Variants in PTPRR observed in about 807,000 individuals in gnomAD.
PTPRR encodes protein tyrosine phosphatase receptor type R, also known as receptor-type tyrosine-protein phosphatase R.
In PTPRR, 38 loss-of-function variants were observed where a neutral mutation model predicts 77.2. The observed-to-expected ratio is 0.49, with a 90% CI of 0.38 to 0.65. The LOEUF (loss-of-function observed/expected upper bound fraction) is 0.65, where lower values mean the gene tolerates loss of function less well. PTPRR is among the 30% of genes least tolerant of loss of function. PTPRR has a pLI of 0.00. For synonymous variants in PTPRR, 299 were observed against 283.1 expected (o/e 1.06, Z -0.57); for missense variants, 744 against 799.2 (o/e 0.93, Z 0.83).
chr12:70,661,332 T>C (rs1886792802), intron 11 of PTPRR: 1 of 549,062 alleles, frequency 1.8e-6, no homozygotes, highest in South Asian at 1.8e-5. Context: ...CATCTCTACC[T>C]ATAGTTATAA....
In PTPRR at chr12:70,892,917, G is replaced by A. The variant is rs145367377; in HGVS notation, c.119C>T (p.Pro40Leu). The change falls in exon 2 of 14, where the codon CCG becomes CTG. Residue 40 changes from proline (P) to leucine (L), a missense_variant. Physicochemically the swap from Pro to Leu is moderately conservative, Grantham distance 98 (BLOSUM62 -3). Around this residue, in one of 3 missense-constraint regions of PTPRR, gnomAD observed 570 missense variants for 573.2 expected, o/e 0.99. Transcript: ENST00000283228. ...LAINQKKSGK[P>L]VFIYKHSQDI... ...TTGTGAATGCTTATAAATGAATACC[G>A]GCTTCCCACTCTTCTTCTGATTAAT... The A allele has an allele frequency of 1.6e-4, 259 of 1,613,272 alleles. 2 individuals carry two copies. The African/African-American group carries it at 2.9e-3, about 18-fold the overall frequency.
intron 10 of PTPRR, among the ~76,000 whole-genome samples, chr12:70,675,498 C>A (rs1290052623): frequency 6.6e-6 from 1 of 151,948 alleles, no homozygotes; most frequent in Non-Finnish European, 1.5e-5. Flanking sequence ...ACCTAAAAGT[C>A]TAACCTTGGC....
At chr12:70,735,015 G>T (rs1889813332) in intron 6 of PTPRR, among the ~76,000 whole-genome samples, 1 of 151,838 alleles carries the variant, frequency 6.6e-6, no homozygotes, top group Non-Finnish European at 1.5e-5. Flanking sequence ...TCATTCCTGT[G>T]GGGTCTTTTA....
intron 2 of PTPRR, among the ~76,000 whole-genome samples, chr12:70,765,205 G>C (rs1013945184): frequency 6.6e-6 from 1 of 152,198 alleles, no homozygotes; most frequent in Non-Finnish European, 1.5e-5. Context: ...AGCAGGGTGA[G>C]GCATTGCCTC....
At chr12:70,809,227 G>A (rs770009794) in intron 2 of PTPRR, among the ~76,000 whole-genome samples, 2 of 152,126 alleles carry the variant, frequency 1.3e-5, no homozygotes, top group African/African-American at 2.4e-5. Context: ...CTTAAACACT[G>A]ACATGATGCT....
Position 70,745,941 on chromosome 12 carries a change from G to T in PTPRR, c.884C>A (p.Ala295Asp). The T allele has an allele frequency of 6.2e-7, 1 of 1,614,084 alleles. No individual in the cohort carries two copies. Among genetic ancestry groups the T allele is most frequent in the African/African-American group, 1.3e-5 (1 of 75,006 alleles). ...CACGACAACATTCAGTACCTTTGGGGCCTGCTCAGGTTGGACCATGCTGTG... is the reference window on the plus strand; with the variant it reads ...CACGACAACATTCAGTACCTTTGGGTCCTGCTCAGGTTGGACCATGCTGTG... Reference protein sequence around the residue: ...TVHSMVQPEQAPKVLNVVVDP... With the variant: ...TVHSMVQPEQDPKVLNVVVDP... The change falls in exon 6 of 14, where the codon GCC becomes GAC. Residue 295 changes from alanine (A) to aspartate (D), a missense_variant. By Grantham distance (126) the Ala-to-Asp change is moderately radical (BLOSUM62 -2). Coordinates refer to ENST00000283228, the MANE Select transcript of PTPRR (RefSeq NM_002849.4).
At chr12:70,677,966 G>A (rs138256789) in intron 10 of PTPRR, among the ~76,000 whole-genome samples, 3,090 of 152,224 alleles carry the variant, frequency 0.02, 60 homozygotes, top group Admixed American at 0.038. Flanking sequence ...TGAATAGTTT[G>A]AGGAGAATTG....
At chr12:70,813,994 C>CA (rs1891855864) in intron 2 of PTPRR, among the ~76,000 whole-genome samples, 2 of 152,118 alleles carry the variant, frequency 1.3e-5, no homozygotes, top group South Asian at 4.2e-4. Context: ...CTGTTTCCAC[C>CA]AGCCAGAGTA....
In PTPRR at chr12:70,701,172, C is replaced by T. The variant is rs144918296; in HGVS notation, c.1159G>A (p.Val387Met). The T allele has an allele frequency of 1.1e-4, 174 of 1,613,872 alleles. 2 individuals are homozygous for T. The highest frequency in any genetic ancestry group is 9.9e-4 in the Middle Eastern group (6 of 6,058). Residue 387 changes from valine (V) to methionine (M), a missense_variant, in exon 7 of 14, where the codon GTG becomes ATG. Physicochemically the swap from Val to Met is conservative, Grantham distance 21 (BLOSUM62 1). This residue lies in a region of PTPRR where 570 missense variants were observed against 573.2 expected (regional missense o/e 0.99). Transcript: ENST00000283228. The stretch of plus-strand genomic sequence containing the variant: ...CTTTGGAGTAAATGTGAACTTGCCA[C>T]GACGTCCCTCAGCTGAGACCTTGTG... ...ILTRSQLRDV[V>M]ASSHLLQSEF...
intron 13 of PTPRR, among the ~76,000 whole-genome samples, chr12:70,651,122 C>T (rs1484922775): frequency 1.3e-5 from 2 of 152,218 alleles, no homozygotes; most frequent in African/African-American, 4.8e-5. Context: ...CAAGACAAGC[C>T]ATGAGCTTAT....
At chr12:70,832,708 A>G (rs1327716844) in intron 2 of PTPRR, among the ~76,000 whole-genome samples, 2 of 152,186 alleles carry the variant, frequency 1.3e-5, no homozygotes, top group East Asian at 3.9e-4. Context: ...GCAGTGTGTT[A>G]GTCCATTTTG....
rs561005361 is a variant in PTPRR, at chr12:70,817,951, C to A, written c.358-53173G>T. On this transcript the variant is annotated intron_variant, in intron 2 of 13. Transcript: ENST00000283228. ...TTGGTTGGCCAGGTGCAGCGGCTCA[C>A]GCCTGTAATCCCAGCAGTTTGGGAG... Among the ~76,000 whole-genome samples the A allele has an allele frequency of 3.3e-5, 5 of 152,282 alleles. No homozygotes were observed. In the East Asian group the frequency reaches 5.8e-4, roughly 18 times the overall value.
intron 1 of PTPRR, among the ~76,000 whole-genome samples, chr12:70,897,802 A>G (rs1307399964): frequency 6.6e-6 from 1 of 152,048 alleles, no homozygotes; most frequent in Admixed American, 6.6e-5. Context: ...TGGCACATGT[A>G]CACCATGGAA....
At chr12:70,782,150 C>T (rs1390571586) in intron 2 of PTPRR, among the ~76,000 whole-genome samples, 1 of 152,038 alleles carries the variant, frequency 6.6e-6, no homozygotes, top group Non-Finnish European at 1.5e-5. Flanking sequence ...ATTTTGTGTT[C>T]ACACATTTAA....
chr12:70,852,970 G>A (rs1011558036), intron 2 of PTPRR, among the ~76,000 whole-genome samples: 2 of 152,160 alleles, frequency 1.3e-5, no homozygotes, highest in Admixed American at 1.3e-4. Flanking sequence ...GGAGATTACC[G>A]TGGCAAATTT....
intron 10 of PTPRR, among the ~76,000 whole-genome samples, chr12:70,673,652 TAAG>T (rs1887330503): frequency 6.6e-6 from 1 of 152,294 alleles, no homozygotes; most frequent in African/African-American, 2.4e-5. Flanking sequence ...ATAGAAATAA[TAAG>T]AAATATTTAA....
intron 8 of PTPRR, among the ~76,000 whole-genome samples, chr12:70,690,219 G>GA (rs1384607951): frequency 6.6e-6 from 1 of 152,132 alleles, no homozygotes; most frequent in African/African-American, 2.4e-5. Flanking sequence ...ACTTGAGAGG[G>GA]AAAAACACTT....
chr12:70,758,640 C>T (rs545695265), intron 4 of PTPRR, among the ~76,000 whole-genome samples: 10 of 152,022 alleles, frequency 6.6e-5, no homozygotes, highest in South Asian at 4.2e-4. Flanking sequence ...TGTGCACAAG[C>T]GGAACTGCTT....
intron 1 of PTPRR, among the ~76,000 whole-genome samples, chr12:70,895,027 C>T (rs759984166): frequency 2.6e-5 from 4 of 151,588 alleles, no homozygotes; most frequent in Admixed American, 6.6e-5. Context: ...ACTATTATAT[C>T]GTGGAATAAA....
Sources: allele counts gnomAD v4.1 joint callset (sites outside exome capture counted in the v4.1 genomes callset), GRCh38; gene constraint gnomAD v4.1.1; regional missense constraint gnomAD v4.1.1; transcripts MANE v1.5; gene names NCBI Gene and HGNC (gene_info 2026-07-23, HGNC 2026-07-21).